Variants in ZFPM2 observed in about 807,000 individuals in gnomAD.
The protein encoded by ZFPM2 is zinc finger protein ZFPM2.
Under a neutral mutation model 98.6 loss-of-function variants are expected in ZFPM2, and 20 were observed. That is an observed-to-expected ratio of 0.20 (90% CI 0.14 to 0.29). The LOEUF (loss-of-function observed/expected upper bound fraction) is 0.29, where lower values mean the gene tolerates loss of function less well. Ranked by LOEUF, ZFPM2 falls within the 10% of genes least tolerant of loss-of-function variation. ZFPM2 has a pLI of 1.00. For synonymous variants in ZFPM2, 518 were observed against 502.7 expected (o/e 1.03, Z -0.41); for missense variants, 1,310 against 1,388.6 (o/e 0.94, Z 0.90).
At chr8:105,591,739 C>T (rs1482525610) in intron 4 of ZFPM2, among the ~76,000 whole-genome samples, 1 of 152,000 alleles carries the variant, frequency 6.6e-6, no homozygotes, top group Non-Finnish European at 1.5e-5. Flanking sequence ...CATTTGTTAG[C>T]TTGCTAAAAT....
intron 4 of ZFPM2, among the ~76,000 whole-genome samples, chr8:105,593,975 G>T (rs1296764087): frequency 6.6e-6 from 1 of 152,072 alleles, no homozygotes; most frequent in African/African-American, 2.4e-5. Context: ...GTGCTCCTCT[G>T]CTGACCTTAC....
intron 5 of ZFPM2, chr8:105,678,972 T>C (rs1413566366): frequency 1.3e-5 from 2 of 152,068 alleles, no homozygotes; most frequent in Non-Finnish European, 1.5e-5. Context: ...GAGTTTGGAG[T>C]CACATCACTG....
rs553008029 is a variant in ZFPM2, at chr8:105,708,217, T to A, written c.532+73860T>A. 6.2e-4 allele frequency among the ~76,000 whole-genome samples: 94 copies of A among 152,208 alleles called. 2 individuals are homozygous for A. The highest frequency in any genetic ancestry group is 2.2e-4 in the Non-Finnish European group (15 of 68,030). ...TGTGTCATCGACCTCCATATTCTTATAATAATTGGAGAATCATCATATTAC... is the reference window on the plus strand; with the variant it reads ...TGTGTCATCGACCTCCATATTCTTAAAATAATTGGAGAATCATCATATTAC... On this transcript the variant is annotated intron_variant, in intron 5 of 7. Transcript: ENST00000407775.
At chr8:105,658,586 C>CAAAAAAAAAAAAA (rs773181953) in intron 5 of ZFPM2, among the ~76,000 whole-genome samples, 2 of 7,900 alleles carry the variant, frequency 2.5e-4, no homozygotes, top group African/African-American at 1.4e-3. Flanking sequence ...GACTCCGTCT[C>CAAAAAAAAAAAAA]AAAAAAAAAA....
chr8:105,728,279 T>A (rs1811859488), intron 5 of ZFPM2, among the ~76,000 whole-genome samples: 2 of 151,698 alleles, frequency 1.3e-5, no homozygotes, highest in African/African-American at 4.8e-5. Context: ...AGATCCTTGA[T>A]ATAAATGTCT....
chr8:105,481,064 T>TA (rs1813107269), intron 3 of ZFPM2, among the ~76,000 whole-genome samples: 1 of 152,148 alleles, frequency 6.6e-6, no homozygotes, highest in Non-Finnish European at 1.5e-5. Flanking sequence ...TTACATTTTT[T>TA]AAAAATCCAG....
At chr8:105,633,631 A>G (rs1262744850) in intron 4 of ZFPM2, among the ~76,000 whole-genome samples, 1 of 152,158 alleles carries the variant, frequency 6.6e-6, no homozygotes, top group Non-Finnish European at 1.5e-5. Flanking sequence ...GTTGCTCTGC[A>G]TTTGAATTTA....
intron 3 of ZFPM2, chr8:105,451,503 G>A (rs1433711694): frequency 6.6e-6 from 1 of 152,122 alleles, no homozygotes; most frequent in African/African-American, 2.4e-5. Context: ...TTAAGATGAG[G>A]TCATGGTAAA....
chr8:105,630,797 G>A (rs1019012233), intron 4 of ZFPM2, among the ~76,000 whole-genome samples: 4 of 152,074 alleles, frequency 2.6e-5, no homozygotes, highest in African/African-American at 7.2e-5. Flanking sequence ...CAAGTGAAAT[G>A]CTTACCTCAA....
intron 1 of ZFPM2, among the ~76,000 whole-genome samples, chr8:105,412,648 G>A (rs1811600050): frequency 6.6e-6 from 1 of 151,452 alleles, no homozygotes; most frequent in South Asian, 2.1e-4. Context: ...GTGAGTGACT[G>A]CAGGAAGAAC....
chr8:105,710,986 C>T (rs1282217869), intron 5 of ZFPM2, among the ~76,000 whole-genome samples: 1 of 151,960 alleles, frequency 6.6e-6, no homozygotes, highest in Non-Finnish European at 1.5e-5. Context: ...ATCCTCTCAA[C>T]CAGCCAACTT....
intron 3 of ZFPM2, among the ~76,000 whole-genome samples, chr8:105,558,325 A>G (rs1815046739): frequency 6.6e-6 from 1 of 152,196 alleles, no homozygotes; most frequent in Non-Finnish European, 1.5e-5. Context: ...CTGTTTCAGC[A>G]TAAGAAAGGA....
At chr8:105,800,901 A>T in intron 7 of ZFPM2, 146 bp from the exon 8 acceptor site, 2 of 731,576 alleles carry the variant, frequency 2.7e-6, no homozygotes, top group Non-Finnish European at 2.2e-6. Context: ...AAGAGATGTC[A>T]CAAGAAAACA....
chr8:105,669,914 G>A (rs191367700), intron 5 of ZFPM2: 1 of 152,184 alleles, frequency 6.6e-6, no homozygotes, highest in East Asian at 1.9e-4. Flanking sequence ...CTTTCCAATT[G>A]CCTGAGTTCT....
At chr8:105,738,702 A>C (rs1273869748) in intron 5 of ZFPM2, among the ~76,000 whole-genome samples, 3 of 152,008 alleles carry the variant, frequency 2.0e-5, no homozygotes. Context: ...ACTTTCTCAT[A>C]ATAGCCATCC....
intron 3 of ZFPM2, among the ~76,000 whole-genome samples, chr8:105,484,424 G>A (rs1813187976): frequency 6.6e-6 from 1 of 151,546 alleles, no homozygotes; most frequent in Non-Finnish European, 1.5e-5. Flanking sequence ...TTTCTAATTG[G>A]ACTTCAGTTT....
intron 4 of ZFPM2, among the ~76,000 whole-genome samples, chr8:105,630,267 T>A (rs1358820781): frequency 6.6e-6 from 1 of 152,218 alleles, no homozygotes; most frequent in Non-Finnish European, 1.5e-5. Context: ...ATGATCAATG[T>A]GGATATTATT....
intron 3 of ZFPM2, among the ~76,000 whole-genome samples, chr8:105,487,941 G>GT (rs1813267063): frequency 2.3e-5 from 2 of 86,406 alleles, no homozygotes; most frequent in African/African-American, 7.5e-5. Context: ...TAGCTAGCTA[G>GT]CTAGCTAGCT....
intron 5 of ZFPM2, among the ~76,000 whole-genome samples, chr8:105,698,932 A>G (rs1327945754): frequency 6.6e-6 from 1 of 152,050 alleles, no homozygotes; most frequent in Admixed American, 6.5e-5. Context: ...TCTCCTTGCT[A>G]TATTCTTTTG....
Sources: allele counts gnomAD v4.1 joint callset (sites outside exome capture counted in the v4.1 genomes callset), GRCh38; gene constraint gnomAD v4.1.1; transcripts MANE v1.5; gene names NCBI Gene and HGNC (gene_info 2026-07-23, HGNC 2026-07-21).